The following CATSPER3 variants were observed in gnomAD, a reference collection of about 807,000 sequenced individuals.
The protein encoded by CATSPER3 is cation channel sperm associated 3.
Under a neutral mutation model 36.6 loss-of-function variants are expected in CATSPER3, and 23 were observed. The ratio of observed to expected loss-of-function variants is 0.63; its 90% CI spans 0.45 to 0.89. The LOEUF is 0.89. Ranked by LOEUF, CATSPER3 falls within the 40% of genes least tolerant of loss-of-function variation. The pLI is 0.00. For synonymous variants in CATSPER3, 172 were observed against 184.1 expected (o/e 0.93, Z 0.53); for missense variants, 474 against 503.9 (o/e 0.94, Z 0.57).
intron 3 of CATSPER3, among the ~76,000 whole-genome samples, chr5:135,002,413 A>G (rs1241843764): frequency 6.6e-6 from 1 of 151,940 alleles, no homozygotes; most frequent in Non-Finnish European, 1.5e-5. Context: ...CTTCATTTCA[A>G]CTTTGGTGAA....
chr5:134,970,575 T>C (rs1474412740), intron 2 of CATSPER3, among the ~76,000 whole-genome samples: 2 of 150,046 alleles, frequency 1.3e-5, no homozygotes. Flanking sequence ...TGGATTTTTT[T>C]TTTTTTTTTT....
chr5:135,008,569 CAG>C (rs1752120671), intron 4 of CATSPER3, among the ~76,000 whole-genome samples: 1 of 151,922 alleles, frequency 6.6e-6, no homozygotes, highest in Non-Finnish European at 1.5e-5. Flanking sequence ...GTGGGCCTGG[CAG>C]AGAGGCAGTG....
In CATSPER3 at chr5:135,009,294, A is replaced by G. The variant is rs1752146163; in HGVS notation, c.817-77A>G. 4.7e-6 allele frequency: 7 copies of G among 1,485,884 alleles called. No individual in the cohort carries two copies. The Admixed American group carries it at 1.0e-4, about 21-fold the overall frequency. 92.0% of individuals were successfully genotyped at this position (1,485,884 alleles called of 1,614,324 possible). A position where few individuals can be genotyped will look rare whatever the true frequency, so the allele number is the denominator to read the frequency against. ...TGCTGAGGGCCTGAGCAGCGGTGCA[A>G]GACTGGGGAAGAGGAAAGACTGGGT... On this transcript the variant is annotated intron_variant, in intron 5 of 7. Coordinates refer to ENST00000282611, the MANE Select transcript of CATSPER3 (RefSeq NM_178019.3).
chr5:135,011,412 T>C, intron 7 of CATSPER3, 109 bp from the exon 8 acceptor site: 1 of 800,276 alleles, frequency 1.2e-6, no homozygotes, highest in Non-Finnish European at 2.1e-6. Context: ...GTCCTTGCTC[T>C]TCTTTGACCC....
chr5:135,000,024 A>G (rs926265157), intron 3 of CATSPER3, among the ~76,000 whole-genome samples: 3 of 152,228 alleles, frequency 2.0e-5, no homozygotes, highest in Non-Finnish European at 4.4e-5. Flanking sequence ...TTGCGCATTC[A>G]GTATGGTATC....
At chr5:134,975,716 A>T (rs1046557607) in intron 2 of CATSPER3, among the ~76,000 whole-genome samples, 1 of 152,268 alleles carries the variant, frequency 6.6e-6, no homozygotes, top group African/African-American at 2.4e-5. Flanking sequence ...GGACAACATT[A>T]TGGAGGTTCC....
chr5:134,979,409 G>A (rs568260568), intron 2 of CATSPER3, among the ~76,000 whole-genome samples: 1 of 152,316 alleles, frequency 6.6e-6, no homozygotes, highest in African/African-American at 2.4e-5. Flanking sequence ...ACAGTCATGA[G>A]CCACCATGCA....
chr5:135,003,239 G>A (rs926657203), intron 3 of CATSPER3, among the ~76,000 whole-genome samples: 4 of 152,206 alleles, frequency 2.6e-5, no homozygotes, highest in African/African-American at 9.7e-5. Flanking sequence ...GTTTGCCTGG[G>A]TATCAGCAGT....
chr5:135,004,089 TCTC>T (rs1435459506), intron 3 of CATSPER3, among the ~76,000 whole-genome samples: 1 of 152,156 alleles, frequency 6.6e-6, no homozygotes, highest in South Asian at 2.1e-4. Flanking sequence ...TCAGCCATCA[TCTC>T]CTCCAGTATT....
intron 1 of CATSPER3, 75 bp downstream of exon 1, chr5:134,968,164 C>T: frequency 9.8e-7 from 1 of 1,023,372 alleles, no homozygotes; most frequent in East Asian, 2.5e-5. Flanking sequence ...TCAGTGTTCT[C>T]TCAGCCTCTT....
intron 2 of CATSPER3, among the ~76,000 whole-genome samples, chr5:134,986,918 A>G (rs2149548600): frequency 6.6e-6 from 1 of 152,338 alleles, no homozygotes; most frequent in Non-Finnish European, 1.5e-5. Context: ...ATTAGAAAAG[A>G]AGAAAGGTCT....
intron 3 of CATSPER3, among the ~76,000 whole-genome samples, chr5:134,997,022 C>T (rs1029685998): frequency 1.5e-4 from 23 of 152,228 alleles, no homozygotes; most frequent in Non-Finnish European, 5.9e-5. Context: ...TGCTGAAAAC[C>T]ATGACCAACA....
intron 2 of CATSPER3, among the ~76,000 whole-genome samples, chr5:134,980,215 CAA>C (rs1751733704): frequency 2.0e-5 from 3 of 151,960 alleles, no homozygotes; most frequent in African/African-American, 7.2e-5. Flanking sequence ...CTCCTGGCCT[CAA>C]GAGATCCTCC....
At chr5:135,003,367 G>T (rs550355078) in intron 3 of CATSPER3, among the ~76,000 whole-genome samples, 33 of 152,292 alleles carry the variant, frequency 2.2e-4, no homozygotes, top group African/African-American at 7.2e-4. Flanking sequence ...GCCCCTACTT[G>T]GGGGTGCTTC....
At chr5:134,983,120 A>C (rs1252615583) in intron 2 of CATSPER3, among the ~76,000 whole-genome samples, 1 of 152,240 alleles carries the variant, frequency 6.6e-6, no homozygotes, top group Non-Finnish European at 1.5e-5. Context: ...GTATATATGC[A>C]AAAAGGCAGT....
In CATSPER3 at chr5:135,009,494, A is replaced by T; in HGVS notation, c.936+4A>T. 7.2e-7 allele frequency: 1 copy of T among 1,386,892 alleles called. No homozygotes were observed. Among genetic ancestry groups the T allele is most frequent in the Non-Finnish European group, 9.4e-7 (1 of 1,061,108 alleles). The allele number at this position is 1,386,892 out of a possible 1,614,324, so 85.9% of individuals were successfully genotyped here. On this transcript the variant is annotated splice_donor_region_variant and intron_variant, in intron 6 of 7. Transcript: ENST00000282611. Reference sequence around the variant, plus strand: ...CAGCAGGCTGATGCACATACAGGTGAGTGGCCCCTGCAGGCAGGTGGACAG... The same window carrying T: ...CAGCAGGCTGATGCACATACAGGTGTGTGGCCCCTGCAGGCAGGTGGACAG...
rs1317339022 is a variant in CATSPER3, at chr5:134,968,012, G to C, written c.21G>C (p.Gln7His). The part of the protein sequence containing the change: MSQHRH[Q>H]RHSRVISSSP... ...GGAAAATGTCTCAACACCGTCACCA[G>C]CGCCACTCGAGAGTCATTTCTAGTT... is the stretch of plus-strand genomic sequence containing the variant. Residue 7 changes from glutamine to histidine, a missense_variant, in exon 1 of 8, where the codon CAG becomes CAC. Coordinates refer to ENST00000282611, the MANE Select transcript of CATSPER3 (RefSeq NM_178019.3). The C allele has an allele frequency of 6.2e-7, 1 of 1,613,946 alleles. No homozygotes were observed. The highest frequency in any genetic ancestry group is 1.3e-5 in the African/African-American group (1 of 74,920).
intron 3 of CATSPER3, among the ~76,000 whole-genome samples, chr5:135,001,763 T>C (rs1580913401): frequency 6.6e-6 from 1 of 152,252 alleles, no homozygotes; most frequent in East Asian, 1.9e-4. Context: ...AAGTCTGTTT[T>C]ATCAGAGACT....
intron 2 of CATSPER3, among the ~76,000 whole-genome samples, chr5:134,981,823 G>A (rs1282299118): frequency 1.3e-5 from 2 of 152,138 alleles, no homozygotes; most frequent in Non-Finnish European, 2.9e-5. Flanking sequence ...ACTAGACAAA[G>A]GCTTTAAAAA....
Sources: gnomAD v4.1 joint callset for allele counts (sites outside exome capture counted in the v4.1 genomes callset) on GRCh38, gnomAD v4.1.1 for gene constraint, MANE v1.5 for transcripts, NCBI Gene and HGNC (gene_info 2026-07-23, HGNC 2026-07-21) for gene names.